FGD6: variants seen among roughly 807,000 people sequenced by gnomAD.
FGD6 encodes FYVE, RhoGEF and PH domain containing 6, also known as FYVE, RhoGEF and PH domain-containing protein 6.
A neutral mutation model predicts 149.4 loss-of-function variants in FGD6; 90 were observed. The observed-to-expected ratio is 0.60, with a 90% confidence interval of 0.51 to 0.72. The LOEUF (loss-of-function observed/expected upper bound fraction) is 0.72, where lower values mean the gene tolerates loss of function less well. Among genes scored for constraint, FGD6 ranks in the 30% least tolerant of loss-of-function variants. FGD6 has a pLI of 0.00. For synonymous variants in FGD6, 527 were observed against 584.0 expected (o/e 0.90, Z 1.41); for missense variants, 1,437 against 1,684.8 (o/e 0.85, Z 2.57).
intron 13 of FGD6, among the ~76,000 whole-genome samples, chr12:95,106,350 C>A (rs1189848814): frequency 1.3e-5 from 2 of 150,950 alleles, no homozygotes; most frequent in African/African-American, 4.9e-5. Flanking sequence ...AGCTCACTGA[C>A]ACCTCCGCCT....
At chr12:95,091,591 G>A in intron 17 of FGD6, 116 bp downstream of exon 17, 1 of 611,292 alleles carries the variant, frequency 1.6e-6, no homozygotes, top group Non-Finnish European at 2.8e-6. Context: ...TACAAATTTG[G>A]AGATAAGTAT....
At position 95,105,093 on chromosome 12, in the gene FGD6, G is replaced by T; in HGVS notation, c.3418-7C>A. 1 of 1,605,214 alleles carries T rather than the reference G, an allele frequency of 6.2e-7. No individual in the cohort carries two copies. The highest frequency in any genetic ancestry group is 1.1e-5 in the South Asian group (1 of 88,884). On this transcript the variant is annotated splice_polypyrimidine_tract_variant and splice_region_variant and intron_variant, in intron 13 of 20. Transcript: ENST00000343958. ...CTTGGGTAGGTTTTCTGACCTGGAA[G>T]AAAGCACAACAATTTGAGCCGACTC...
chr12:95,207,875 AG>A lies in FGD6; in HGVS notation c.2441+967del, dbSNP rs541892475. Among the ~76,000 whole-genome samples the A allele has an allele frequency of 2.2e-3, 339 of 152,276 alleles. 1 individual carries two copies. Among genetic ancestry groups the A allele is most frequent in the African/African-American group, 6.7e-3 (278 of 41,564 alleles). ...AGAAGCTTAATGAAGCCAAAGACTGAGGGGGTGGATTATTGAGGATGGGCAC... is the reference window on the plus strand; with the variant it reads ...AGAAGCTTAATGAAGCCAAAGACTGAGGGGTGGATTATTGAGGATGGGCAC... On this transcript the variant is annotated intron_variant, in intron 2 of 20. Transcript: ENST00000343958.
chr12:95,130,376 A>G (rs1879485072), intron 8 of FGD6, among the ~76,000 whole-genome samples: 1 of 152,164 alleles, frequency 6.6e-6, no homozygotes, highest in Non-Finnish European at 1.5e-5. Context: ...TTAAAACAGC[A>G]AAGTTGCCAG....
chr12:95,142,561 A>G (rs1879883221), intron 5 of FGD6, among the ~76,000 whole-genome samples: 1 of 152,204 alleles, frequency 6.6e-6, no homozygotes, highest in Non-Finnish European at 1.5e-5. Context: ...TATAGGCATG[A>G]GCCACCGTGC....
intron 2 of FGD6, among the ~76,000 whole-genome samples, chr12:95,203,757 T>C (rs1049229528): frequency 6.6e-6 from 1 of 152,208 alleles, no homozygotes; most frequent in Non-Finnish European, 1.5e-5. Context: ...GAAATATTTA[T>C]AATAAGAACA....
intron 2 of FGD6, among the ~76,000 whole-genome samples, chr12:95,182,131 C>A (rs1026447422): frequency 1.3e-5 from 2 of 151,388 alleles, no homozygotes; most frequent in African/African-American, 4.9e-5. Context: ...AAAATAAAGG[C>A]CATTAGAAAT....
chr12:95,198,383 G>A (rs1206172573), intron 2 of FGD6, among the ~76,000 whole-genome samples: 5 of 152,198 alleles, frequency 3.3e-5, no homozygotes, highest in African/African-American at 1.2e-4. Context: ...ACACGCAAGA[G>A]CTCCTAGCAT....
chr12:95,092,822 T>A lies in FGD6; in HGVS notation c.3624A>T (p.Glu1208Asp), dbSNP rs1438511158. The change falls in exon 16 of 21, where the codon GAA becomes GAT. Residue 1208 changes from glutamate (E) to aspartate (D), a missense_variant. Glu to Asp is a conservative substitution (Grantham distance 45, BLOSUM62 2). Transcript: ENST00000343958. ...GAGCCTTCGATCCAAGAGGACTAAC[T>A]TCTTCTTTATTTTCTGAGTCTGCCT... is the stretch of plus-strand genomic sequence containing the variant. Reference protein sequence around the residue: ...LDEADSENKEEVSPLGSKAPI... With the variant: ...LDEADSENKEDVSPLGSKAPI... The A allele has an allele frequency of 2.5e-6, 4 of 1,612,778 alleles. No individual in the cohort carries two copies. The highest frequency in any genetic ancestry group is 2.2e-5 in the East Asian group (1 of 44,882).
At chr12:95,147,441 A>T (rs1880049663) in intron 5 of FGD6, among the ~76,000 whole-genome samples, 1 of 152,140 alleles carries the variant, frequency 6.6e-6, no homozygotes, top group African/African-American at 2.4e-5. Context: ...AATAACACTA[A>T]CAAGTAATCA....
chr12:95,175,351 AATG>A (rs1467756113), intron 2 of FGD6, among the ~76,000 whole-genome samples: 4 of 152,200 alleles, frequency 2.6e-5, no homozygotes, highest in African/African-American at 9.6e-5. Flanking sequence ...AATAAATGAA[AATG>A]ATATCAGAAA....
chr12:95,187,069 T>C (rs1387796660), intron 2 of FGD6, among the ~76,000 whole-genome samples: 3 of 152,220 alleles, frequency 2.0e-5, no homozygotes, highest in Admixed American at 1.3e-4. Context: ...TAGTGGCTCA[T>C]GCCTGTAATC....
In FGD6 at chr12:95,084,363, C is replaced by T. The variant is rs539345331; in HGVS notation, c.4256+135G>A. 225 of 711,522 alleles carry T rather than the reference C, an allele frequency of 3.2e-4. 1 individual carries two copies. The highest frequency in any genetic ancestry group is 3.0e-3 in the Middle Eastern group (9 of 2,968). The allele number at this position is 711,522 out of a possible 1,614,324, so 44.1% of individuals were successfully genotyped here. ...ACAATTCTGAAGAGTTTAAATAATA[C>T]GTTAAATCTTTCTAATTAAAATCTC... On this transcript the variant is annotated intron_variant, in intron 20 of 20. Transcript: ENST00000343958.
In FGD6 at chr12:95,120,662, G is replaced by C. The variant is rs149768627; in HGVS notation, c.3083-6961C>G. 5.5e-3 allele frequency among the ~76,000 whole-genome samples: 839 copies of C among 152,230 alleles called. 42 individuals are homozygous for C. In the East Asian group the frequency reaches 0.14, roughly 25 times the overall value. Reference sequence around the variant, plus strand: ...AGATCGCACCACTGCACTCTAGCCTGGGTGACAGAGTGAAACTCCACCTCA... The same window carrying C: ...AGATCGCACCACTGCACTCTAGCCTCGGTGACAGAGTGAAACTCCACCTCA... On this transcript the variant is annotated intron_variant, in intron 8 of 20. Transcript: ENST00000343958.
In FGD6 at chr12:95,077,417, G is replaced by A. The variant is rs1877530144; in HGVS notation, c.*4103C>T. 6.6e-6 allele frequency: 1 copy of A among 152,268 alleles called. No homozygotes were observed. Among genetic ancestry groups the A allele is most frequent in the African/African-American group, 2.4e-5 (1 of 41,430 alleles). The allele number at this position is 152,268 out of a possible 1,614,324, so 9.4% of individuals were successfully genotyped here. A position where few individuals can be genotyped will look rare whatever the true frequency, so the allele number is the denominator to read the frequency against. On this transcript the variant is annotated 3_prime_UTR_variant, in exon 21 of 21. Transcript: ENST00000343958. ...GGGTCAGCTATCACAGAGAAGTCTT[G>A]GATAAACAGAGATGCGGATGGGTCA...
chr12:95,182,886 A>G (rs1432016831), intron 2 of FGD6, among the ~76,000 whole-genome samples: 1 of 152,242 alleles, frequency 6.6e-6, no homozygotes, highest in East Asian at 1.9e-4. Flanking sequence ...TCCTTTGACT[A>G]CCTTCTCTAA....
chr12:95,176,947 C>A (rs895562307), intron 2 of FGD6, among the ~76,000 whole-genome samples: 5 of 152,138 alleles, frequency 3.3e-5, no homozygotes, highest in African/African-American at 1.2e-4. Context: ...CCCATCTCAG[C>A]CTCCTGAGTA....
rs777245797 is a variant in FGD6, at chr12:95,137,669, T to C, written c.2847A>G (p.Gln949=). ...LEERMLHWTE[Q]QRIADIFVKK... ...TTACAAAGATATCAGCAATTCTTTG[T>C]TGTTCAGTCCTATGGATAGAGAAGA... is the stretch of plus-strand genomic sequence containing the variant. The change falls in exon 7 of 21, where the codon CAA becomes CAG. Residue 949 remains glutamine, a synonymous_variant. Transcript: ENST00000343958. 5 of 1,597,912 alleles carry C rather than the reference T, an allele frequency of 3.1e-6. No homozygotes were observed. In the Admixed American group the frequency reaches 7.0e-5, roughly 23 times the overall value.
chr12:95,141,393 C>A lies in FGD6; in HGVS notation c.2832G>T (p.Leu944Phe). The change falls in exon 6 of 21, where the codon TTG becomes TTT. Residue 944 changes from leucine (L) to phenylalanine (F), a missense_variant. Leu to Phe is a conservative substitution (Grantham distance 22). This residue lies in a region of FGD6 where 1,055 missense variants were observed against 1,146.0 expected (regional missense o/e 0.92). Transcript: ENST00000343958. ...DLLKELEERMLHWTEQQRIAD... is the reference protein window; with the variant it reads ...DLLKELEERMFHWTEQQRIAD... ...TGAAAACGGTCCATTTTTACCAGTG[C>A]AACATTCTTTCCTCCAGTTCCTTCA... is the stretch of plus-strand genomic sequence containing the variant. 1 of 1,613,728 alleles carries A rather than the reference C, an allele frequency of 6.2e-7. No individual in the cohort carries two copies. The highest frequency in any genetic ancestry group is 8.5e-7 in the Non-Finnish European group (1 of 1,179,776).
Sources: gnomAD v4.1 joint callset for allele counts (sites outside exome capture counted in the v4.1 genomes callset) on GRCh38, gnomAD v4.1.1 for gene constraint, gnomAD v4.1.1 regional missense constraint, MANE v1.5 for transcripts, NCBI Gene and HGNC (gene_info 2026-07-23, HGNC 2026-07-21) for gene names.